PTPRZ1: variants seen among roughly 807,000 people sequenced by gnomAD.
PTPRZ1 encodes the protein protein tyrosine phosphatase receptor type Z1.
PTPRZ1 carries 82 observed loss-of-function variants against 214.1 expected under a neutral mutation model. The ratio of observed to expected loss-of-function variants is 0.38; its 90% CI spans 0.32 to 0.46. PTPRZ1 has a LOEUF of 0.46. Among genes scored for constraint, PTPRZ1 ranks in the 20% least tolerant of loss-of-function variants. PTPRZ1 has a pLI of 1.00. For missense variants in PTPRZ1, 2,603 were observed against 2,748.7 expected (o/e 0.95, Z 1.19); for synonymous variants, 945 against 987.9 (o/e 0.96, Z 0.81).
intron 25 of PTPRZ1, among the ~76,000 whole-genome samples, chr7:122,052,175 C>A (rs1356310282): frequency 5.9e-5 from 9 of 152,154 alleles, no homozygotes; most frequent in African/African-American, 2.2e-4. Context: ...GGAACACAAA[C>A]TCACCATTTA....
chr7:122,021,964 T>A (rs1584751189), intron 13 of PTPRZ1, among the ~76,000 whole-genome samples: 2 of 152,190 alleles, frequency 1.3e-5, no homozygotes, highest in African/African-American at 4.8e-5. Flanking sequence ...AGTTAATTCT[T>A]CAAGGTTTAT....
intron 2 of PTPRZ1, among the ~76,000 whole-genome samples, chr7:121,935,441 C>T (rs1429861551): frequency 2.0e-5 from 3 of 152,024 alleles, no homozygotes; most frequent in Non-Finnish European, 4.4e-5. Flanking sequence ...TTGTGTAGGA[C>T]GCATTGTGCT....
intron 2 of PTPRZ1, 117 bp downstream of exon 2, chr7:121,928,338 ATAGT>A (rs1795825553): frequency 2.8e-5 from 18 of 641,526 alleles, no homozygotes; most frequent in Non-Finnish European, 4.0e-5. Context: ...AGCTAAATGG[ATAGT>A]TAGATTAATT....
In PTPRZ1 at chr7:122,061,997, T is replaced by C. The variant is rs998443122; in HGVS notation, c.*777T>C. On this transcript the variant is annotated 3_prime_UTR_variant, in exon 30 of 30. Transcript: ENST00000393386. ...CCAAACATTGTTCAAATGGTTTTTA[T>C]CCAAGGAATTGCAAAAATAAATATA... 6.6e-6 allele frequency: 1 copy of C among 152,660 alleles called. No individual in the cohort carries two copies. Among genetic ancestry groups the C allele is most frequent in the Non-Finnish European group, 1.5e-5 (1 of 68,046 alleles). 9.5% of individuals were successfully genotyped at this position (152,660 alleles called of 1,614,324 possible).
chr7:122,020,523 G>A (rs1447569251), intron 13 of PTPRZ1, among the ~76,000 whole-genome samples: 4 of 152,156 alleles, frequency 2.6e-5, no homozygotes, highest in Non-Finnish European at 5.9e-5. Context: ...GCAAAGATCG[G>A]GAAGTAGAAA....
chr7:122,015,674 C>A (rs964953557), intron 12 of PTPRZ1, among the ~76,000 whole-genome samples: 2 of 152,010 alleles, frequency 1.3e-5, no homozygotes, highest in Non-Finnish European at 2.9e-5. Context: ...GACATTGATA[C>A]GTTCTTGCTA....
intron 14 of PTPRZ1, 52 bp from the exon 15 acceptor site, chr7:122,031,422 C>G: frequency 7.9e-7 from 1 of 1,266,056 alleles, no homozygotes; most frequent in Admixed American, 1.8e-5. Flanking sequence ...GTGATAGGTA[C>G]GTTTATTTCT....
intron 8 of PTPRZ1, among the ~76,000 whole-genome samples, chr7:121,992,932 G>C (rs1471006654): frequency 6.6e-6 from 1 of 152,130 alleles, no homozygotes; most frequent in Non-Finnish European, 1.5e-5. Context: ...TACGTGACTT[G>C]ACGTGGGCCC....
intron 16 of PTPRZ1, 59 bp downstream of exon 16, chr7:122,034,174 A>C: frequency 1.3e-6 from 2 of 1,568,820 alleles, no homozygotes; most frequent in Non-Finnish European, 1.7e-6. Flanking sequence ...ACTTTTAAAA[A>C]ATTTCATTTG....
intron 1 of PTPRZ1, among the ~76,000 whole-genome samples, chr7:121,881,279 C>A (rs376649645): frequency 2.0e-5 from 3 of 152,300 alleles, no homozygotes; most frequent in East Asian, 3.9e-4. Context: ...CTTAAACTTC[C>A]CAGCCTCCAT....
In PTPRZ1 at chr7:121,920,470, G is replaced by A. The variant is rs150798915; in HGVS notation, c.59-7686G>A. 1.5e-3 allele frequency among the ~76,000 whole-genome samples: 230 copies of A among 151,826 alleles called. 1 individual carries two copies. The highest frequency in any genetic ancestry group is 3.6e-3 in the Admixed American group (55 of 15,252). ...TCACTTCTAATATTATTTTTAGCTC[G>A]TTCCTTTAATTGTTATTTGTATATA... On this transcript the variant is annotated intron_variant, in intron 1 of 29. Coordinates refer to ENST00000393386, the MANE Select transcript of PTPRZ1 (RefSeq NM_002851.3).
chr7:121,979,454 C>T (rs1246443667), intron 6 of PTPRZ1, among the ~76,000 whole-genome samples: 1 of 152,180 alleles, frequency 6.6e-6, no homozygotes, highest in African/African-American at 2.4e-5. Context: ...TTCTTAATCA[C>T]AATTTCAGCC....
At chr7:121,892,222 C>A (rs186800710) in intron 1 of PTPRZ1, among the ~76,000 whole-genome samples, 1 of 152,142 alleles carries the variant, frequency 6.6e-6, no homozygotes, top group Admixed American at 6.5e-5. Flanking sequence ...TCTTTTTTCT[C>A]TTCACATGTG....
At chr7:122,003,152 A>G (rs1319468792) in intron 10 of PTPRZ1, among the ~76,000 whole-genome samples, 1 of 152,232 alleles carries the variant, frequency 6.6e-6, no homozygotes, top group Non-Finnish European at 1.5e-5. Context: ...AAGAGCATGA[A>G]GAACAGACAG....
Position 122,038,753 on chromosome 7 carries a change from A to G in PTPRZ1, c.5368-2A>G, listed in dbSNP as rs1449360638. On this transcript the variant is annotated splice_acceptor_variant, in intron 18 of 29. Coordinates refer to ENST00000393386, the MANE Select transcript of PTPRZ1 (RefSeq NM_002851.3). LOFTEE classifies it high-confidence loss of function. ...GGAAACATTTGTCATTTAATTCTTC[A>G]GGGCTACAACAGACCAAAAGCTTAT... is the stretch of plus-strand genomic sequence containing the variant. The G allele has an allele frequency of 6.2e-7, 1 of 1,610,400 alleles. No individual in the cohort carries two copies. The highest frequency in any genetic ancestry group is 2.2e-5 in the East Asian group (1 of 44,790).
intron 10 of PTPRZ1, among the ~76,000 whole-genome samples, chr7:122,002,337 G>A (rs1443318660): frequency 6.6e-6 from 1 of 152,110 alleles, no homozygotes; most frequent in Non-Finnish European, 1.5e-5. Context: ...ACACTTGGGG[G>A]TGCTCACCCA....
chr7:121,904,704 C>T (rs572396975), intron 1 of PTPRZ1, among the ~76,000 whole-genome samples: 25 of 152,046 alleles, frequency 1.6e-4, no homozygotes, highest in South Asian at 6.2e-4. Context: ...GGATAGATTC[C>T]GGGGTTTCTA....
Position 122,011,052 on chromosome 7 carries a change from G to A in PTPRZ1, c.2006G>A (p.Gly669Asp), listed in dbSNP as rs1168626879. 1.9e-6 allele frequency: 3 copies of A among 1,614,096 alleles called. No homozygotes were observed. The highest frequency in any genetic ancestry group is 2.5e-6 in the Non-Finnish European group (3 of 1,179,998). The part of the protein sequence containing the change: ...DITAQPDVGS[G>D]RESFLQTNYT... ...ACAGCACAGCCCGATGTTGGATCAG[G>A]CAGAGAGAGCTTTCTCCAGACTAAT... The change falls in exon 12 of 30, where the codon GGC (glycine) becomes GAC (aspartate). Residue 669 changes from glycine (G) to aspartate (D), a missense_variant. By Grantham distance (94) the Gly-to-Asp change is moderately conservative. Around this residue, in one of 6 missense-constraint regions of PTPRZ1, gnomAD observed 1,913 missense variants for 1,914.3 expected, o/e 1.00. Transcript: ENST00000393386.
At chr7:122,016,133 A>G (rs1030203732) in intron 12 of PTPRZ1, among the ~76,000 whole-genome samples, 1 of 152,020 alleles carries the variant, frequency 6.6e-6, no homozygotes, top group Non-Finnish European at 1.5e-5. Flanking sequence ...ACCCAAAGAT[A>G]CTAGATTATT....
Sources: gnomAD v4.1 joint callset for allele counts (sites outside exome capture counted in the v4.1 genomes callset) on GRCh38, gnomAD v4.1.1 for gene constraint, gnomAD v4.1.1 regional missense constraint, MANE v1.5 for transcripts, NCBI Gene and HGNC (gene_info 2026-07-23, HGNC 2026-07-21) for gene names.